Variants in CAST observed in about 807,000 individuals in gnomAD.
CAST encodes MIR583 host.
CAST carries 76 observed loss-of-function variants against 119.6 expected under a neutral mutation model. The observed-to-expected ratio is 0.64, with a 90% CI of 0.53 to 0.77. The LOEUF (loss-of-function observed/expected upper bound fraction) is 0.77, where lower values mean the gene tolerates loss of function less well. CAST is among the 30% of genes least tolerant of loss of function. The probability of loss-of-function intolerance (pLI) is 0.00; values close to 1 mark genes in which losing one functional copy is unlikely to be tolerated. For missense variants in CAST, 953 were observed against 946.5 expected, an observed-to-expected ratio of 1.01 and a Z score of -0.09; for synonymous variants, 319 against 331.6, an observed-to-expected ratio of 0.96 and a Z score of 0.41.
chr5:95,962,140 T>C, the CAST span: 6 of 342,026 alleles, frequency 1.8e-5, no homozygotes, highest in African/African-American at 2.1e-5. Context: ...GCTTGGGGAC[T>C]CCCCTGCTAA....
At chr5:96,005,291 GC>G in the CAST span, among the ~76,000 whole-genome samples, 1 of 152,110 alleles carries the variant, frequency 6.6e-6, no homozygotes, top group Admixed American at 6.6e-5. Flanking sequence ...GTCCTAGAGA[GC>G]CTACCAGTTA....
the CAST span, among the ~76,000 whole-genome samples, chr5:96,040,144 G>A: frequency 6.6e-6 from 1 of 152,172 alleles, no homozygotes; most frequent in African/African-American, 2.4e-5. Flanking sequence ...ATTGTGAATA[G>A]GAGTTCACTC....
the CAST span, among the ~76,000 whole-genome samples, chr5:96,401,041 T>G: frequency 7.3e-6 from 1 of 137,306 alleles, no homozygotes; most frequent in East Asian, 2.2e-4. Context: ...GAGCCAAGAT[T>G]GTGCCACTGC....
intron 1 of CAST, among the ~76,000 whole-genome samples, chr5:96,587,960 C>T (rs563291923): frequency 2.6e-5 from 4 of 152,216 alleles, no homozygotes; most frequent in East Asian, 3.9e-4. Flanking sequence ...AGTGCCAGCT[C>T]GCTGAGGCAG....
the CAST span, among the ~76,000 whole-genome samples, chr5:96,171,981 C>A: frequency 6.6e-6 from 1 of 151,728 alleles, no homozygotes; most frequent in Non-Finnish European, 1.5e-5. Flanking sequence ...ATTTCACTCA[C>A]ATCCGTGTGA....
intron 1 of CAST, among the ~76,000 whole-genome samples, chr5:96,648,717 CGTGTGTGTGTGTGT>C (rs72068689): frequency 6.7e-6 from 1 of 148,810 alleles, no homozygotes; most frequent in East Asian, 2.0e-4. Context: ...TATATATATG[CGTGTGTGTGTGTGT>C]GTGTGTGTGT....
At chr5:96,767,109 T>C (rs1208943699) in intron 27 of CAST, among the ~76,000 whole-genome samples, 2 of 152,222 alleles carry the variant, frequency 1.3e-5, no homozygotes, top group Admixed American at 6.5e-5. Flanking sequence ...GTAAATAAGA[T>C]GTAAAAACAC....
At chr5:96,405,012 A>G in the CAST span, among the ~76,000 whole-genome samples, 1 of 152,090 alleles carries the variant, frequency 6.6e-6, no homozygotes, top group Non-Finnish European at 1.5e-5. Flanking sequence ...TGATTAAATG[A>G]TTTTCTCATT....
the CAST span, among the ~76,000 whole-genome samples, chr5:96,007,480 CATT>C: frequency 6.6e-6 from 1 of 152,152 alleles, no homozygotes; most frequent in Admixed American, 6.5e-5. Flanking sequence ...ATCTCCCTAA[CATT>C]GCTATATTGA....
the CAST span, among the ~76,000 whole-genome samples, chr5:96,403,956 A>T: frequency 9.9e-5 from 15 of 152,106 alleles, no homozygotes; most frequent in African/African-American, 3.6e-4. Context: ...GTGTGAAGGG[A>T]TTCAATGGTT....
the CAST span, among the ~76,000 whole-genome samples, chr5:96,298,722 G>T: frequency 5.3e-5 from 8 of 152,158 alleles, no homozygotes; most frequent in African/African-American, 1.9e-4. Flanking sequence ...TAGTCTGTAT[G>T]TAGGCTTTTA....
upstream of CAST, among the ~76,000 whole-genome samples, chr5:96,659,960 T>C (rs1348966563): frequency 1.3e-5 from 2 of 152,170 alleles, no homozygotes; most frequent in Non-Finnish European, 2.9e-5. Context: ...TCTGTACTCA[T>C]AGTCATTAAT....
At chr5:96,757,412 A>G (rs1766547185) in intron 22 of CAST, 32 bp from the exon 23 acceptor site, 1 of 1,600,514 alleles carries the variant, frequency 6.2e-7, no homozygotes, top group East Asian at 2.2e-5. Context: ...ATGTAAAATG[A>G]TTTCATGCCA....
At chr5:96,630,841 G>GGAAA (rs199646930) in intron 1 of CAST, 1 of 139,150 alleles carries the variant, frequency 7.2e-6, no homozygotes, top group Non-Finnish European at 1.6e-5. Flanking sequence ...AGAGAAAGAA[G>GGAAA]GAAAGAAAGA....
At chr5:96,128,703 T>G in the CAST span, among the ~76,000 whole-genome samples, 2 of 152,082 alleles carry the variant, frequency 1.3e-5, no homozygotes, top group Admixed American at 6.6e-5. Context: ...TGCATAGAAG[T>G]GAAATTAATT....
chr5:96,476,917 A>G, the CAST span, among the ~76,000 whole-genome samples: 1 of 129,180 alleles, frequency 7.7e-6, no homozygotes. Flanking sequence ...ACCAGTCATG[A>G]TGTGGATGGC....
chr5:96,149,794 C>T, the CAST span, among the ~76,000 whole-genome samples: 3 of 152,292 alleles, frequency 2.0e-5, no homozygotes, highest in Middle Eastern at 6.8e-3. Context: ...TGTAAGCATT[C>T]GCTGTCTGAG....
the CAST span, among the ~76,000 whole-genome samples, chr5:96,241,652 A>G: frequency 4.2e-5 from 6 of 142,194 alleles, no homozygotes; most frequent in Non-Finnish European, 7.9e-5. Flanking sequence ...GACTTCCACA[A>G]TGGTTGAACT....
the CAST span, among the ~76,000 whole-genome samples, chr5:96,474,447 G>C: frequency 9.4e-4 from 143 of 152,056 alleles, 1 homozygote; most frequent in East Asian, 0.025. Flanking sequence ...TGGGGGTGAG[G>C]GGTGGGGCCT....
Sources: gnomAD v4.1 joint callset for allele counts (sites outside exome capture counted in the v4.1 genomes callset) on GRCh38, gnomAD v4.1.1 for gene constraint, MANE v1.5 for transcripts, NCBI Gene and HGNC (gene_info 2026-07-23, HGNC 2026-07-21) for gene names.